ACSM2B: variants seen among roughly 807,000 people sequenced by gnomAD.
ACSM2B encodes the protein acyl-coenzyme A synthetase ACSM2B, mitochondrial.
Under a neutral mutation model 78.6 loss-of-function variants are expected in ACSM2B, and 58 were observed. The ratio of observed to expected loss-of-function variants is 0.74; its 90% CI spans 0.60 to 0.92. ACSM2B has a LOEUF of 0.92. ACSM2B is among the 40% of genes least tolerant of loss of function. The pLI, the probability that ACSM2B is intolerant of heterozygous loss-of-function variation, is 0.00. For synonymous variants in ACSM2B, 257 were observed against 256.8 expected (o/e 1.00, Z -0.01); for missense variants, 688 against 711.2 (o/e 0.97, Z 0.37).
chr16:20,544,544 T>G, intron 10 of ACSM2B: 1 of 971,658 alleles, frequency 1.0e-6, no homozygotes, highest in Non-Finnish European at 1.2e-6. Flanking sequence ...TGATTTATTA[T>G]TTATTTAGTT....
At chr16:20,564,546 G>C in intron 2 of ACSM2B, 123 bp downstream of exon 2, 1 of 1,477,638 alleles carries the variant, frequency 6.8e-7, no homozygotes, top group Non-Finnish European at 9.0e-7. Flanking sequence ...TGAGTGTCTT[G>C]TCCATAGCTT....
At chr16:20,548,267 T>C in intron 7 of ACSM2B, 82 bp from the exon 8 acceptor site, 2 of 1,609,476 alleles carry the variant, frequency 1.2e-6, no homozygotes, top group East Asian at 4.5e-5. Flanking sequence ...TCTGGGTGCT[T>C]TGATGATGCA....
At chr16:20,550,360 A>T (rs906813161) in intron 6 of ACSM2B, among the ~76,000 whole-genome samples, 1 of 152,114 alleles carries the variant, frequency 6.6e-6, no homozygotes, top group Non-Finnish European at 1.5e-5. Flanking sequence ...TATTGCTTTG[A>T]CTTACTAGAA....
intron 1 of ACSM2B, among the ~76,000 whole-genome samples, chr16:20,566,718 G>GTATATACTATATATACTA (rs1567218517): frequency 4.0e-4 from 2 of 5,014 alleles, no homozygotes; most frequent in Non-Finnish European, 3.6e-4. Flanking sequence ...AGTATATATA[G>GTATATACTATATATACTA]TATATACTAT....
chr16:20,537,236 A>G lies in ACSM2B; in HGVS notation c.*22T>C. The G allele has an allele frequency of 6.2e-7, 1 of 1,612,754 alleles. No individual in the cohort carries two copies. Among genetic ancestry groups the G allele is most frequent in the Non-Finnish European group, 8.5e-7 (1 of 1,178,858 alleles). On this transcript the variant is annotated 3_prime_UTR_variant, in exon 14 of 14. Coordinates refer to ENST00000329697, the MANE Select transcript of ACSM2B (RefSeq NM_001105069.2). ...AGAAAGAGAAAGAAGAGGGGAATCCAAATGAATGTCTCCTAGACGCCTCAC... is the reference window on the plus strand; with the variant it reads ...AGAAAGAGAAAGAAGAGGGGAATCCGAATGAATGTCTCCTAGACGCCTCAC...
chr16:20,563,263 T>C (rs2015720795), intron 2 of ACSM2B, among the ~76,000 whole-genome samples: 1 of 152,216 alleles, frequency 6.6e-6, no homozygotes, highest in Non-Finnish European at 1.5e-5. Context: ...GAGAATTTTT[T>C]ATATTTAATG....
At chr16:20,550,668 C>T (rs182673964) in intron 6 of ACSM2B, among the ~76,000 whole-genome samples, 5 of 152,266 alleles carry the variant, frequency 3.3e-5, no homozygotes, top group African/African-American at 4.8e-5. Context: ...TAGCTTGAAC[C>T]TTTGCTGCAG....
intron 1 of ACSM2B, among the ~76,000 whole-genome samples, chr16:20,566,636 A>ATATATAC (rs1444944062): frequency 2.0e-4 from 7 of 35,482 alleles, no homozygotes; most frequent in South Asian, 1.3e-3. Flanking sequence ...TATATATAGT[A>ATATATAC]TATATATACT....
At chr16:20,546,211 T>C (rs9929350) in intron 9 of ACSM2B, among the ~76,000 whole-genome samples, 183 bp downstream of exon 9, 13,427 of 152,098 alleles carry the variant, frequency 0.088, 1,889 homozygotes, top group African/African-American at 0.3. Context: ...AAATCATTTC[T>C]CCTTTTCCTC....
At chr16:20,562,441 ATGAGAG>A (rs1172676080) in intron 2 of ACSM2B, among the ~76,000 whole-genome samples, 1 of 152,162 alleles carries the variant, frequency 6.6e-6, no homozygotes, top group Non-Finnish European at 1.5e-5. Flanking sequence ...TTGGTAACAC[ATGAGAG>A]TGTCTGTTTC....
intron 3 of ACSM2B, among the ~76,000 whole-genome samples, chr16:20,558,659 A>G (rs1420717096): frequency 6.6e-6 from 1 of 151,996 alleles, no homozygotes; most frequent in Non-Finnish European, 1.5e-5. Flanking sequence ...TGCTCCTCAT[A>G]TTGGTTAATT....
At position 20,559,311 on chromosome 16, in the gene ACSM2B, C is replaced by T. The variant is rs577119435; in HGVS notation, c.314G>A (p.Arg105His). ...CAGCATCACTGCCACACGATCCCCACGCTGCAGGCCACAGGCTCCCGAGAG... is the reference window on the plus strand; with the variant it reads ...CAGCATCACTGCCACACGATCCCCATGCTGCAGGCCACAGGCTCCCGAGAG... ...NILSGACGLQ[R>H]GDRVAVMLPR... Residue 105 changes from arginine (R) to histidine (H), a missense_variant, in exon 3 of 14, where the codon CGT becomes CAT. Physicochemically the swap from Arg to His is conservative, Grantham distance 29. Coordinates refer to ENST00000329697, the MANE Select transcript of ACSM2B (RefSeq NM_001105069.2). 26 of 1,613,394 alleles carry T rather than the reference C, an allele frequency of 1.6e-5. No individual in the cohort carries two copies. The highest frequency in any genetic ancestry group is 2.7e-5 in the African/African-American group (2 of 74,930).
In ACSM2B at chr16:20,548,397, G is replaced by C. The variant is rs762273713; in HGVS notation, c.971C>G (p.Ser324Cys). The C allele has an allele frequency of 3.5e-5, 56 of 1,613,536 alleles. No homozygotes were observed. Among genetic ancestry groups the C allele is most frequent in the Middle Eastern group, 3.3e-4 (2 of 6,076 alleles). The change falls in exon 7 of 14, where the codon TCC (serine) becomes TGC (cysteine). Residue 324 changes from serine to cysteine, a missense_variant. By Grantham distance (112) the Ser-to-Cys change is moderately radical (BLOSUM62 -1). Transcript: ENST00000329697. ...VYRMLLQQDL[S>C]SYKFPHLQNC... is the part of the protein sequence containing the mutation. ...CCAATCCTCAAAGCCCCATCACCTGGAAAGATCCTGCTGTAGCAACATCCG... is the reference window on the plus strand; with the variant it reads ...CCAATCCTCAAAGCCCCATCACCTGCAAAGATCCTGCTGTAGCAACATCCG...
intron 1 of ACSM2B, among the ~76,000 whole-genome samples, chr16:20,567,360 T>C (rs1302152693): frequency 1.7e-5 from 2 of 116,824 alleles, no homozygotes; most frequent in African/African-American, 3.6e-5. Flanking sequence ...TATTATATAT[T>C]ATATATTATA....
intron 1 of ACSM2B, among the ~76,000 whole-genome samples, chr16:20,566,890 G>A (rs2015911427): frequency 8.2e-6 from 1 of 121,394 alleles, no homozygotes; most frequent in Non-Finnish European, 1.7e-5. Context: ...TATAATATAT[G>A]ATACACATTA....
intron 1 of ACSM2B, among the ~76,000 whole-genome samples, chr16:20,566,702 A>C (rs2015880410): frequency 2.3e-5 from 1 of 43,704 alleles, no homozygotes; most frequent in African/African-American, 1.5e-4. Flanking sequence ...TATATAGTAT[A>C]TATATAGTAT....
chr16:20,560,937 A>G (rs1029540663), intron 2 of ACSM2B, among the ~76,000 whole-genome samples: 1 of 152,098 alleles, frequency 6.6e-6, no homozygotes, highest in South Asian at 2.1e-4. Context: ...ACTTGGCTGC[A>G]TTGTGTTCAT....
chr16:20,566,179 C>T (rs1424111598), intron 1 of ACSM2B, among the ~76,000 whole-genome samples: 1 of 139,404 alleles, frequency 7.2e-6, no homozygotes, highest in Non-Finnish European at 1.5e-5. Flanking sequence ...AAACGTCACA[C>T]TCCTGTGCCT....
Position 20,540,752 on chromosome 16 carries a change from G to C in ACSM2B, c.1531C>G (p.Leu511Val). The C allele has an allele frequency of 1.9e-6, 3 of 1,614,074 alleles. No individual in the cohort carries two copies. Among genetic ancestry groups the C allele is most frequent in the Non-Finnish European group, 1.7e-6 (2 of 1,179,972 alleles). Residue 511 changes from leucine to valine, a missense_variant, in exon 13 of 14, where the codon CTG (leucine) becomes GTG (valine). Physicochemically the swap from Leu to Val is conservative, Grantham distance 32 (BLOSUM62 1). Coordinates refer to ENST00000329697, the MANE Select transcript of ACSM2B (RefSeq NM_001105069.2). ...TCATGGGATAGGAACTGCGAGGCCA[G>C]GATCACAAATGCCTTCACCACCTGC... ...RGEVVKAFVI[L>V]ASQFLSHDPE... is the part of the protein sequence containing the mutation.
Sources: gnomAD v4.1 joint callset for allele counts (sites outside exome capture counted in the v4.1 genomes callset) on GRCh38, gnomAD v4.1.1 for gene constraint, MANE v1.5 for transcripts, NCBI Gene and HGNC (gene_info 2026-07-23, HGNC 2026-07-21) for gene names.